The following NTF4 variants were observed in gnomAD, a reference collection of about 807,000 sequenced individuals.
NTF4 encodes neurotrophin 4, also known as neurotrophin-4.
A neutral mutation model predicts 4.4 loss-of-function variants in NTF4; 2 were observed. The observed-to-expected ratio is 0.46, with a 90% CI of 0.19 to 1.44. NTF4 has a LOEUF of 1.44. Ranked by LOEUF, NTF4 falls within the 40% of genes most tolerant of loss-of-function variation. The probability of loss-of-function intolerance (pLI) is 0.26; values close to 1 mark genes in which losing one functional copy is unlikely to be tolerated. For missense variants in NTF4, 260 were observed against 293.0 expected (o/e 0.89, Z 0.82); for synonymous variants, 127 against 122.0 (o/e 1.04, Z -0.27).
downstream of NTF4, chr19:49,058,612 C>T: frequency 2.4e-6 from 1 of 425,104 alleles, no homozygotes; most frequent in Non-Finnish European, 4.2e-6. Context: ...GTCTGCCCAC[C>T]TGCACCGTGG....
At chr19:49,059,837 C>T (rs2040111727), downstream of NTF4, among the ~76,000 whole-genome samples, 1 of 151,914 alleles carries the variant, frequency 6.6e-6, no homozygotes, top group African/African-American at 2.4e-5. Flanking sequence ...CACTTGAGGT[C>T]AGGAGTTTGA....
Position 49,061,368 on chromosome 19 carries a change from G to A in NTF4, c.630C>T (p.Ala210=). The change falls in exon 1 of 1, where the codon GCC becomes GCT. Residue 210 remains alanine, a synonymous_variant. Transcript: ENST00000593537. This position sits in a 1 kb window ranked among gnomAD's most constrained non-coding sequence, Gnocchi z 4.9. ...GTTATTTTCCTGGGCATGGGTCTCA[G>A]GCCCGGCCAGTCCGGCTGAGGAGTG... The A allele has an allele frequency of 6.2e-7, 1 of 1,612,132 alleles. No homozygotes were observed. The highest frequency in any genetic ancestry group is 8.5e-7 in the Non-Finnish European group (1 of 1,180,024).
chr19:49,063,359 C>G (rs1438624082), upstream of NTF4, among the ~76,000 whole-genome samples: 3 of 150,926 alleles, frequency 2.0e-5, no homozygotes, highest in Non-Finnish European at 4.4e-5. Flanking sequence ...CCTCTGTCGC[C>G]CAGGCTGGAG....
At chr19:49,060,067 A>AAAAAAAAAAC (rs2040114835), downstream of NTF4, among the ~76,000 whole-genome samples, 2 of 146,810 alleles carry the variant, frequency 1.4e-5, no homozygotes, top group African/African-American at 2.5e-5. Flanking sequence ...AAAAAAAAAA[A>AAAAAAAAAAC]AAGCTTTTGG....
At chr19:49,059,293 G>A (rs1225648505), downstream of NTF4, among the ~76,000 whole-genome samples, 1 of 152,130 alleles carries the variant, frequency 6.6e-6, no homozygotes, top group African/African-American at 2.4e-5. Context: ...CCTTTGATTT[G>A]GTTGAAAACT....
upstream of NTF4, chr19:49,062,000 C>T (rs1421797650): frequency 6.9e-7 from 1 of 1,459,014 alleles, no homozygotes; most frequent in East Asian, 2.5e-5. This position sits in a 1 kb window ranked among gnomAD's most constrained non-coding sequence, Gnocchi z 4.9. Flanking sequence ...GGGAGCATCT[C>T]TCGGAGCACC....
rs909645582 is a variant in NTF4 at position 49,061,213 on chromosome 19, G to A, written c.*152C>T. On this transcript the variant is annotated 3_prime_UTR_variant, in exon 1 of 1. Coordinates refer to ENST00000593537, the Ensembl canonical transcript of NTF4. This position sits in a 1 kb window ranked among gnomAD's most constrained non-coding sequence, Gnocchi z 4.9. Reference sequence around the variant, plus strand: ...CTATTCAACCTCCAAAACCCCATGTGGTTTCACCCATCCTGCAGAGATTGA... The same window carrying A: ...CTATTCAACCTCCAAAACCCCATGTAGTTTCACCCATCCTGCAGAGATTGA... 1.4e-6 allele frequency: 2 copies of A among 1,464,504 alleles called. No individual in the cohort carries two copies. Among genetic ancestry groups the A allele is most frequent in the Non-Finnish European group, 9.1e-7 (1 of 1,094,080 alleles). 90.7% of individuals were successfully genotyped at this position (1,464,504 alleles called of 1,614,324 possible).
Position 49,061,527 on chromosome 19 carries a change from G to A in NTF4, c.471C>T (p.Gly157=), listed in dbSNP as rs753931867. The change falls in exon 1 of 1, where the codon GGC becomes GGT. Residue 157 remains glycine, a synonymous_variant. Coordinates refer to ENST00000593537, the Ensembl canonical transcript of NTF4. This position sits in a 1 kb window ranked among gnomAD's most constrained non-coding sequence, Gnocchi z 4.9. The stretch of plus-strand genomic sequence containing the variant: ...AGTGCCTCCTGTCCACTCCCCGGCA[G>A]CCCCCTCCACCTGCCCCCGGGCCAC... 3 of 1,614,150 alleles carry A rather than the reference G, an allele frequency of 1.9e-6. 1 individual carries two copies. The South Asian group carries it at 3.3e-5, about 18-fold the overall frequency.
At position 49,061,712 on chromosome 19, in the gene NTF4, C is replaced by T. The variant is rs773531060; in HGVS notation, c.286G>A (p.Val96Met). The T allele has an allele frequency of 1.9e-6, 3 of 1,613,238 alleles. No homozygotes were observed. The South Asian group carries it at 3.3e-5, about 18-fold the overall frequency. The stretch of plus-strand genomic sequence containing the variant: ...ACCCAGCCACTGACTGCATCGCACA[C>T]AGCCAGCTCACCCCGACGACTCGCT... The change falls in exon 1 of 1, where the codon GTG becomes ATG. Residue 96 changes from valine (V) to methionine (M), a missense_variant. Coordinates refer to ENST00000593537, the Ensembl canonical transcript of NTF4. This position sits in a 1 kb window ranked among gnomAD's most constrained non-coding sequence, Gnocchi z 4.9.
Position 49,061,475 on chromosome 19 carries a change from A to G in NTF4, c.523T>C (p.Ser175Pro). The stretch of plus-strand genomic sequence containing the variant: ...TCAGCGGTCAATGCCCGCACATAGG[A>G]CTGCTTGGCCTTGCACTCAGATACC... The change falls in exon 1 of 1, where the codon TCC (serine) becomes CCC (proline). Residue 175 changes from serine (S) to proline (P), a missense_variant. Coordinates refer to ENST00000593537, the Ensembl canonical transcript of NTF4. The surrounding 1 kb of genome is among the most constrained non-coding windows in gnomAD (Gnocchi z 4.9). 2 of 1,613,860 alleles carry G rather than the reference A, an allele frequency of 1.2e-6. No individual in the cohort carries two copies. The highest frequency in any genetic ancestry group is 1.7e-6 in the Non-Finnish European group (2 of 1,179,850).
chr19:49,063,251 C>T (rs989603098), upstream of NTF4, among the ~76,000 whole-genome samples: 2 of 151,902 alleles, frequency 1.3e-5, no homozygotes, highest in Non-Finnish European at 2.9e-5. Context: ...AAGCAATAGT[C>T]GTGTCCTGGC....
At chr19:49,059,800 C>A (rs192454754), downstream of NTF4, among the ~76,000 whole-genome samples, 50 of 152,200 alleles carry the variant, frequency 3.3e-4, no homozygotes, top group East Asian at 4.5e-3. Flanking sequence ...GTAATCCCAG[C>A]ACTTTGGGAG....
chr19:49,060,036 C>CAAACAA (rs2040113754), downstream of NTF4, among the ~76,000 whole-genome samples: 1 of 28,418 alleles, frequency 3.5e-5, no homozygotes, highest in African/African-American at 1.7e-4. Context: ...GACTCCATCT[C>CAAACAA]AAAAAAAAAA....
Position 49,061,418 on chromosome 19 carries a change from G to A in NTF4, c.580C>T (p.Arg194Ter), listed in dbSNP as rs369788069. ...GTGCAGACGCAGGCAGTGTCAATTC[G>A]AATCCATCGCCAGCCCACACGGCCC... The change falls in exon 1 of 1, where the codon CGA (arginine) becomes TGA (stop). Residue 194 changes from arginine (R) to a stop codon, truncating the protein, a stop_gained. Transcript: ENST00000593537. LOFTEE classifies it high-confidence loss of function. This position sits in a 1 kb window ranked among gnomAD's most constrained non-coding sequence, Gnocchi z 4.9. 2.4e-5 allele frequency: 39 copies of A among 1,613,602 alleles called. No individual in the cohort carries two copies. The highest frequency in any genetic ancestry group is 4.5e-5 in the East Asian group (2 of 44,888).
chr19:49,064,685 G>T, upstream of NTF4: 1 of 153,882 alleles, frequency 6.5e-6, no homozygotes, highest in South Asian at 1.8e-4. Flanking sequence ...TCCTCTCTCA[G>T]ACCCAGGAGT....
At chr19:49,059,788 C>T (rs1322730876), downstream of NTF4, among the ~76,000 whole-genome samples, 3 of 152,068 alleles carry the variant, frequency 2.0e-5, no homozygotes, top group South Asian at 6.2e-4. Context: ...TGGCTCATGC[C>T]CGTAATCCCA....
At chr19:49,060,762 T>G (rs2040121418), downstream of NTF4, 1 of 157,100 alleles carries the variant, frequency 6.4e-6, no homozygotes, top group South Asian at 1.9e-4. Flanking sequence ...TCCTGATCAC[T>G]TCTCATTCAA....
chr19:49,059,233 C>T (rs540933339), downstream of NTF4, among the ~76,000 whole-genome samples: 19 of 152,330 alleles, frequency 1.2e-4, no homozygotes, highest in African/African-American at 4.3e-4. Flanking sequence ...CTCCCCAACC[C>T]TTCCCGCACG....
At chr19:49,062,728 G>A (rs2040168835), upstream of NTF4, among the ~76,000 whole-genome samples, 1 of 152,128 alleles carries the variant, frequency 6.6e-6, no homozygotes, top group South Asian at 2.1e-4. Flanking sequence ...AGGTTGTGGT[G>A]GGCTGAGATT....
Sources: gnomAD v4.1 joint callset for allele counts (sites outside exome capture counted in the v4.1 genomes callset) on GRCh38, gnomAD v4.1.1 for gene constraint, Gnocchi (gnomAD v3.1) non-coding constraint, MANE v1.5 for transcripts, NCBI Gene and HGNC (gene_info 2026-07-23, HGNC 2026-07-21) for gene names.